Variants in MIB1 observed in about 807,000 individuals in gnomAD.
MIB1 encodes the protein MIB E3 ubiquitin protein ligase 1.
MIB1 carries 278 observed loss-of-function variants against 124.5 expected under a neutral mutation model. The observed-to-expected ratio is 2.23, with a 90% CI of 2.02 to 2.47. The LOEUF (loss-of-function observed/expected upper bound fraction) is 2.47, where lower values mean the gene tolerates loss of function less well. Ranked by LOEUF, MIB1 falls within the 30% of genes most tolerant of loss-of-function variation. The pLI is 0.00. For synonymous variants in MIB1, 446 were observed against 429.4 expected (o/e 1.04, Z -0.48); for missense variants, 957 against 1,254.4 (o/e 0.76, Z 3.58).
At chr18:21,859,609 C>A (rs1162191702) in intron 20 of MIB1, among the ~76,000 whole-genome samples, 1 of 151,800 alleles carries the variant, frequency 6.6e-6, no homozygotes, top group East Asian at 1.9e-4. Flanking sequence ...TAGAAAGGGG[C>A]CGGGCGTGGT....
chr18:21,721,723 T>C (rs1328801717), intron 1 of MIB1, among the ~76,000 whole-genome samples: 1 of 152,162 alleles, frequency 6.6e-6, no homozygotes, highest in Non-Finnish European at 1.5e-5. Flanking sequence ...AAAAATGCTC[T>C]TTTAGAGTAT....
At chr18:21,780,351 G>A (rs547096142) in intron 6 of MIB1, among the ~76,000 whole-genome samples, 4 of 152,200 alleles carry the variant, frequency 2.6e-5, no homozygotes, top group Non-Finnish European at 5.9e-5. Context: ...TCTAGCTGTA[G>A]TCTTGTACGC....
chr18:21,711,450 C>G (rs1422910350), intron 1 of MIB1, among the ~76,000 whole-genome samples: 1 of 150,894 alleles, frequency 6.6e-6, no homozygotes, highest in Non-Finnish European at 1.5e-5. Flanking sequence ...CCCGGCTAAT[C>G]TTTTTGTATT....
At chr18:21,731,019 C>T (rs2040767226) in intron 1 of MIB1, among the ~76,000 whole-genome samples, 1 of 152,156 alleles carries the variant, frequency 6.6e-6, no homozygotes, top group Non-Finnish European at 1.5e-5. Flanking sequence ...TTTTTACTTT[C>T]ACCTCCTGAG....
intron 15 of MIB1, among the ~76,000 whole-genome samples, chr18:21,844,753 C>T (rs946745250): frequency 1.3e-5 from 2 of 152,034 alleles, no homozygotes; most frequent in African/African-American, 4.8e-5. Flanking sequence ...TAACATCAGC[C>T]ATTCAAATAG....
chr18:21,815,415 T>C (rs1181760033), intron 10 of MIB1, among the ~76,000 whole-genome samples: 1 of 152,072 alleles, frequency 6.6e-6, no homozygotes, highest in Non-Finnish European at 1.5e-5. Flanking sequence ...TTACTTGGCC[T>C]CAAGTGATCC....
At chr18:21,852,088 T>C (rs375621741) in intron 17 of MIB1, among the ~76,000 whole-genome samples, 32 of 152,360 alleles carry the variant, frequency 2.1e-4, no homozygotes, top group East Asian at 1.2e-3. Flanking sequence ...ATTTACTCTT[T>C]ATCACTCTGT....
At chr18:21,784,290 G>A (rs1269506282) in intron 6 of MIB1, among the ~76,000 whole-genome samples, 1 of 150,064 alleles carries the variant, frequency 6.7e-6, no homozygotes, top group Admixed American at 6.6e-5. Flanking sequence ...CTCGTAATCC[G>A]CCCTCCTCGG....
chr18:21,847,260 C>T, intron 16 of MIB1, 135 bp downstream of exon 16: 1 of 825,146 alleles, frequency 1.2e-6, no homozygotes, highest in Non-Finnish European at 1.8e-6. Flanking sequence ...CCCTTTCTTT[C>T]CTGAAATTTT....
intron 6 of MIB1, among the ~76,000 whole-genome samples, 176 bp downstream of exon 6, chr18:21,779,861 C>CGTGTGTGTGT (rs67233506): frequency 1.3e-5 from 2 of 148,498 alleles, no homozygotes; most frequent in Admixed American, 6.7e-5. Flanking sequence ...ATAAGAATTA[C>CGTGTGTGTGT]GTGTGTGTGT....
intron 1 of MIB1, among the ~76,000 whole-genome samples, chr18:21,757,856 C>G (rs999082573): frequency 6.6e-6 from 1 of 152,058 alleles, no homozygotes; most frequent in East Asian, 1.9e-4. Context: ...AACTTATACT[C>G]TAAATCCAGT....
Position 21,799,896 on chromosome 18 carries a change from CAATG to C in MIB1, c.1296_1299del (p.Asn432LysfsTer3). On this transcript the variant is annotated frameshift_variant, in exon 9 of 21. Transcript: ENST00000261537. LOFTEE classifies it high-confidence loss of function. ...TTGAAACCCAAGAATCTGGTGACCT[CAATG>C]AAGAATTAGTTAAGGCTGCTGCCAA... 1 of 1,612,310 alleles carries C rather than the reference CAATG, an allele frequency of 6.2e-7. No individual in the cohort carries two copies. The highest frequency in any genetic ancestry group is 8.5e-7 in the Non-Finnish European group (1 of 1,178,822).
chr18:21,758,736 T>A (rs528043731), intron 1 of MIB1, among the ~76,000 whole-genome samples: 31 of 152,266 alleles, frequency 2.0e-4, no homozygotes, highest in African/African-American at 7.2e-4. Context: ...GGTTTCACTA[T>A]GTTGGCCAGA....
intron 1 of MIB1, among the ~76,000 whole-genome samples, chr18:21,719,888 A>G (rs1260849136): frequency 6.6e-6 from 1 of 152,198 alleles, no homozygotes; most frequent in Non-Finnish European, 1.5e-5. Context: ...CATTGATAAA[A>G]GTTTCAAAGT....
chr18:21,848,398 C>T (rs538294166), intron 16 of MIB1, among the ~76,000 whole-genome samples: 17 of 150,954 alleles, frequency 1.1e-4, no homozygotes, highest in Non-Finnish European at 2.1e-4. Context: ...AGCAGTGAGC[C>T]GAGATCACAC....
intron 1 of MIB1, among the ~76,000 whole-genome samples, chr18:21,752,813 A>G (rs931470773): frequency 3.7e-4 from 57 of 152,234 alleles, no homozygotes; most frequent in African/African-American, 1.2e-3. Context: ...TCTCAGGCAC[A>G]TATTTACAAA....
chr18:21,804,574 A>G (rs1012003774), intron 10 of MIB1, among the ~76,000 whole-genome samples: 5 of 152,182 alleles, frequency 3.3e-5, no homozygotes, highest in Non-Finnish European at 7.4e-5. Context: ...TTGACTGGGG[A>G]TCTCTCTGTA....
At chr18:21,848,569 G>C (rs1026229980) in intron 16 of MIB1, among the ~76,000 whole-genome samples, 1 of 152,208 alleles carries the variant, frequency 6.6e-6, no homozygotes, top group African/African-American at 2.4e-5. Context: ...GTGTTCGTGA[G>C]TTTCTGAAGA....
At chr18:21,761,072 G>A (rs1007544904) in intron 1 of MIB1, among the ~76,000 whole-genome samples, 1 of 152,052 alleles carries the variant, frequency 6.6e-6, no homozygotes, top group Non-Finnish European at 1.5e-5. Context: ...CAGGTGTTTG[G>A]CAATGAGGTT....
Sources: allele counts gnomAD v4.1 joint callset (sites outside exome capture counted in the v4.1 genomes callset), GRCh38; gene constraint gnomAD v4.1.1; transcripts MANE v1.5; gene names NCBI Gene and HGNC (gene_info 2026-07-23, HGNC 2026-07-21).